Variants in UXS1 observed in about 807,000 individuals in gnomAD.
UXS1 encodes the protein UDP-glucuronate decarboxylase 1.
Under a neutral mutation model 62.6 loss-of-function variants are expected in UXS1, and 33 were observed. The ratio of observed to expected loss-of-function variants is 0.53; its 90% confidence interval spans 0.40 to 0.70. The LOEUF is 0.70. Ranked by LOEUF, UXS1 falls within the 30% of genes least tolerant of loss-of-function variation. UXS1 has a pLI of 0.00. For missense variants in UXS1, 434 were observed against 556.3 expected, an observed-to-expected ratio of 0.78 and a Z score of 2.21; for synonymous variants, 213 against 206.8, an observed-to-expected ratio of 1.03 and a Z score of -0.26.
chr2:106,187,772 G>A (rs1393670949), intron 1 of UXS1, among the ~76,000 whole-genome samples: 10 of 141,610 alleles, frequency 7.1e-5, no homozygotes, highest in South Asian at 2.2e-4. Flanking sequence ...ATGGAGTTTC[G>A]CTTTTGTTGC....
chr2:106,194,253 G>T lies in UXS1; in HGVS notation c.-12C>A. 7.0e-7 allele frequency: 1 copy of T among 1,422,062 alleles called. No individual in the cohort carries two copies. 88.1% of individuals were successfully genotyped at this position (1,422,062 alleles called of 1,614,324 possible). Reference sequence around the variant, plus strand: ...GCCTTGCTCACCATCCCCGGGAGCCGCGCGGGTCCAGGGCCCTACCGCGCG... The same window carrying T: ...GCCTTGCTCACCATCCCCGGGAGCCTCGCGGGTCCAGGGCCCTACCGCGCG... On this transcript the variant is annotated 5_prime_UTR_variant, in exon 1 of 15. Transcript: ENST00000283148.
At chr2:106,117,598 T>G (rs1449943317) in intron 9 of UXS1, among the ~76,000 whole-genome samples, 2 of 152,194 alleles carry the variant, frequency 1.3e-5, no homozygotes, top group African/African-American at 4.8e-5. Flanking sequence ...GAGCCCTGCA[T>G]AGTGGGAGCA....
At chr2:106,143,683 ACAGCAAAATT>A (rs963106963) in intron 6 of UXS1, among the ~76,000 whole-genome samples, 10 of 152,120 alleles carry the variant, frequency 6.6e-5, no homozygotes, top group African/African-American at 2.4e-4. Flanking sequence ...ATTCAGGATG[ACAGCAAAATT>A]CAGTTCCCTG....
intron 1 of UXS1, among the ~76,000 whole-genome samples, chr2:106,193,794 G>A (rs7563463): frequency 0.95 from 145,313 of 152,164 alleles, 69,500 homozygotes; most frequent in East Asian, 0.99. Context: ...GGCACGCTCC[G>A]GAGTCCCCGA....
intron 13 of UXS1, among the ~76,000 whole-genome samples, chr2:106,098,453 G>A (rs1869065): frequency 0.75 from 113,542 of 152,174 alleles, 42,665 homozygotes; most frequent in South Asian, 0.78. Context: ...TAATACAATC[G>A]TGCCTCAAAC....
chr2:106,123,201 G>A (rs1390489308), intron 8 of UXS1, 110 bp from the exon 9 acceptor site: 15 of 1,494,410 alleles, frequency 1.0e-5, no homozygotes, highest in African/African-American at 2.8e-5. Flanking sequence ...ATTTAGAGAT[G>A]GAGAGATGTA....
chr2:106,123,124 C>G (rs746288779), intron 8 of UXS1, 33 bp from the exon 9 acceptor site: 1 of 1,612,240 alleles, frequency 6.2e-7, no homozygotes, highest in Non-Finnish European at 8.5e-7. Flanking sequence ...CTGTTTTCAT[C>G]TTTCCTTTTT....
At chr2:106,110,204 G>A (rs1227611596) in intron 10 of UXS1, among the ~76,000 whole-genome samples, 1 of 152,218 alleles carries the variant, frequency 6.6e-6, no homozygotes, top group Non-Finnish European at 1.5e-5. Context: ...ACCAGAAGCT[G>A]CCTACAGAGA....
chr2:106,124,481 G>A (rs1679766947), intron 8 of UXS1, among the ~76,000 whole-genome samples: 2 of 152,220 alleles, frequency 1.3e-5, no homozygotes, highest in Admixed American at 1.3e-4. Flanking sequence ...CCAGCATTCT[G>A]TGAGGCTAAG....
chr2:106,182,201 A>C (rs181429908), intron 1 of UXS1, among the ~76,000 whole-genome samples: 77 of 152,326 alleles, frequency 5.1e-4, no homozygotes, highest in Non-Finnish European at 1.0e-4. Context: ...CAGTGGAAAA[A>C]TAATTGTCTT....
chr2:106,143,428 AAAAAAAAAAAG>A (rs1346323997), intron 6 of UXS1, among the ~76,000 whole-genome samples: 12 of 145,566 alleles, frequency 8.2e-5, no homozygotes, highest in Non-Finnish European at 1.1e-4. Flanking sequence ...AAAAAAAAAA[AAAAAAAAAAAG>A]GTATAATTTG....
intron 1 of UXS1, 180 bp from the exon 2 acceptor site, chr2:106,166,263 A>C (rs6707767): frequency 0.99 from 629,283 of 634,228 alleles, 312,300 homozygotes; most frequent in East Asian, 1. Context: ...AATAAGTAAA[A>C]ACAGGATCGT....
intron 1 of UXS1, among the ~76,000 whole-genome samples, chr2:106,176,275 A>G (rs988329530): frequency 1.3e-5 from 2 of 151,998 alleles, no homozygotes; most frequent in African/African-American, 4.8e-5. Flanking sequence ...TCATCCTAGC[A>G]CTCTGGAAAA....
intron 1 of UXS1, among the ~76,000 whole-genome samples, chr2:106,173,282 C>A (rs1683676419): frequency 6.6e-6 from 1 of 152,194 alleles, no homozygotes; most frequent in Non-Finnish European, 1.5e-5. Flanking sequence ...AAACTGTAGG[C>A]TGGGTGTGGT....
chr2:106,189,286 T>A (rs1217320833), intron 1 of UXS1, among the ~76,000 whole-genome samples: 1 of 152,174 alleles, frequency 6.6e-6, no homozygotes, highest in Non-Finnish European at 1.5e-5. Flanking sequence ...ACCACGGATG[T>A]ATCAGTCAGG....
At chr2:106,144,725 G>A (rs555090794) in intron 6 of UXS1, among the ~76,000 whole-genome samples, 48 of 152,228 alleles carry the variant, frequency 3.2e-4, no homozygotes, top group African/African-American at 1.0e-3. Context: ...GCATCTTCTC[G>A]CCACGTCCTC....
At chr2:106,119,103 G>A (rs994611786) in intron 9 of UXS1, among the ~76,000 whole-genome samples, 8 of 152,168 alleles carry the variant, frequency 5.3e-5, no homozygotes, top group African/African-American at 9.7e-5. Context: ...AACTGACAAG[G>A]TCACAGTGCA....
At chr2:106,107,764 C>T (rs901548504) in intron 10 of UXS1, among the ~76,000 whole-genome samples, 12 of 152,222 alleles carry the variant, frequency 7.9e-5, no homozygotes, top group African/African-American at 9.6e-5. Flanking sequence ...CATTTCCCTG[C>T]GTGACTCGCC....
intron 1 of UXS1, chr2:106,166,550 C>T (rs1683223514): frequency 6.3e-6 from 1 of 157,862 alleles, no homozygotes; most frequent in South Asian, 1.9e-4. Context: ...CAGGGCATGA[C>T]TTTAGTTCCG....
Sources: gnomAD v4.1 joint callset for allele counts (sites outside exome capture counted in the v4.1 genomes callset) on GRCh38, gnomAD v4.1.1 for gene constraint, MANE v1.5 for transcripts, NCBI Gene and HGNC (gene_info 2026-07-23, HGNC 2026-07-21) for gene names.